Variants in PALM2AKAP2 observed in about 807,000 individuals in gnomAD.
PALM2AKAP2 encodes the protein PALM2 and AKAP2 fusion, also known as PALM2-AKAP2 fusion protein.
Under a neutral mutation model 71.5 loss-of-function variants are expected in PALM2AKAP2, and 37 were observed. The observed-to-expected ratio is 0.52, with a 90% CI of 0.40 to 0.68. PALM2AKAP2 has a LOEUF of 0.68. Among genes scored for constraint, PALM2AKAP2 ranks in the 30% least tolerant of loss-of-function variants. The pLI, the probability that PALM2AKAP2 is intolerant of heterozygous loss-of-function variation, is 0.00. For missense variants in PALM2AKAP2, 1,224 were observed against 1,191.8 expected, an observed-to-expected ratio of 1.03 and a Z score of -0.40; for synonymous variants, 468 against 478.8, an observed-to-expected ratio of 0.98 and a Z score of 0.29.
At chr9:109,846,187 G>A (rs1045389040) in intron 1 of PALM2AKAP2, among the ~76,000 whole-genome samples, 6 of 152,234 alleles carry the variant, frequency 3.9e-5, no homozygotes, top group African/African-American at 1.4e-4. Context: ...GAGTTCTTCT[G>A]ATGTCCTGCA....
chr9:110,128,244 A>G (rs987742508), intron 1 of PALM2AKAP2, among the ~76,000 whole-genome samples: 4 of 152,324 alleles, frequency 2.6e-5, no homozygotes, highest in Middle Eastern at 3.4e-3. Flanking sequence ...TGCTGGAGAC[A>G]TCCTGACTTA....
chr9:110,144,331 A>C (rs912284270), intron 2 of PALM2AKAP2, among the ~76,000 whole-genome samples: 1 of 152,246 alleles, frequency 6.6e-6, no homozygotes, highest in African/African-American at 2.4e-5. Context: ...CTTATTGTGG[A>C]GTGTCCACAG....
intron 1 of PALM2AKAP2, among the ~76,000 whole-genome samples, chr9:109,846,502 A>AG (rs949643882): frequency 6.6e-5 from 10 of 152,220 alleles, no homozygotes; most frequent in African/African-American, 2.4e-4. Context: ...AGAACGGAGA[A>AG]GGCACCAGGC....
At chr9:109,927,381 C>CA (rs1321452982) in intron 5 of PALM2AKAP2, among the ~76,000 whole-genome samples, 1 of 152,140 alleles carries the variant, frequency 6.6e-6, no homozygotes, top group African/African-American at 2.4e-5. Flanking sequence ...CAACTTGCTA[C>CA]AAAAAACTAA....
intron 1 of PALM2AKAP2, among the ~76,000 whole-genome samples, chr9:109,678,811 T>A (rs1288845491): frequency 6.6e-6 from 1 of 152,182 alleles, no homozygotes; most frequent in Non-Finnish European, 1.5e-5. Context: ...ATAAGTGTAA[T>A]GGATGATAAG....
rs139098556 is a variant in PALM2AKAP2 at position 109,931,792 on chromosome 9, G to C, written c.395-135G>C. ...AGTCACTGGGCAAATGCTTGTCTTTGTTTACCCTGATCCTCCTGTTCAGTG... is the reference window on the plus strand; with the variant it reads ...AGTCACTGGGCAAATGCTTGTCTTTCTTTACCCTGATCCTCCTGTTCAGTG... On this transcript the variant is annotated intron_variant, in intron 5 of 9. Transcript: ENST00000302798. 85 of 968,222 alleles carry C rather than the reference G, an allele frequency of 8.8e-5. No homozygotes were observed. In the East Asian group the frequency reaches 2.1e-3, roughly 24 times the overall value. 60.0% of individuals were successfully genotyped at this position (968,222 alleles called of 1,614,324 possible).
chr9:109,703,560 T>C (rs1031730928), intron 1 of PALM2AKAP2, among the ~76,000 whole-genome samples: 1 of 152,144 alleles, frequency 6.6e-6, no homozygotes, highest in Non-Finnish European at 1.5e-5. Flanking sequence ...AGCTTCTTTA[T>C]TCAATGCCAA....
At chr9:109,691,885 TATATATATATATATATAC>T (rs1827897586) in intron 1 of PALM2AKAP2, among the ~76,000 whole-genome samples, 6 of 65,044 alleles carry the variant, frequency 9.2e-5, no homozygotes, top group African/African-American at 3.0e-4. Flanking sequence ...CACACACATA[TATATATATATATATATAC>T]ACACACACAT....
intron 6 of PALM2AKAP2, among the ~76,000 whole-genome samples, chr9:109,968,964 T>G (rs1355638444): frequency 6.6e-6 from 1 of 152,154 alleles, no homozygotes; most frequent in Non-Finnish European, 1.5e-5. Context: ...ACAGAGAGAC[T>G]GTGGTAATTT....
chr9:109,682,811 A>G (rs1827755895), intron 1 of PALM2AKAP2, among the ~76,000 whole-genome samples: 1 of 152,180 alleles, frequency 6.6e-6, no homozygotes, highest in Non-Finnish European at 1.5e-5. Flanking sequence ...ATTTCTGAAT[A>G]TCCTTCTTGC....
At chr9:110,104,487 C>T (rs907238251) in intron 1 of PALM2AKAP2, among the ~76,000 whole-genome samples, 1 of 152,108 alleles carries the variant, frequency 6.6e-6, no homozygotes, top group African/African-American at 2.4e-5. Context: ...CCCTGGAGAC[C>T]TCGTCTTATC....
At chr9:109,788,508 C>T (rs962146416) in intron 1 of PALM2AKAP2, among the ~76,000 whole-genome samples, 1 of 152,174 alleles carries the variant, frequency 6.6e-6, no homozygotes, top group African/African-American at 2.4e-5. Context: ...GTGTCTAATT[C>T]TGTAGGTCTA....
intron 3 of PALM2AKAP2, among the ~76,000 whole-genome samples, chr9:109,886,774 T>C (rs1197910846): frequency 6.6e-6 from 1 of 152,194 alleles, no homozygotes; most frequent in Non-Finnish European, 1.5e-5. Flanking sequence ...TTCCGAGAAA[T>C]GTTACTGTTA....
chr9:110,064,453 C>G (rs977220353), intron 1 of PALM2AKAP2, among the ~76,000 whole-genome samples: 1 of 152,144 alleles, frequency 6.6e-6, no homozygotes, highest in Non-Finnish European at 1.5e-5. Context: ...TTTGAGGGCT[C>G]AAGTGAGTCC....
At chr9:109,833,788 C>T (rs910185740) in intron 1 of PALM2AKAP2, among the ~76,000 whole-genome samples, 1 of 152,178 alleles carries the variant, frequency 6.6e-6, no homozygotes, top group Non-Finnish European at 1.5e-5. Flanking sequence ...TTTCTGAATA[C>T]CCCTGACCTC....
chr9:109,666,094 A>G (rs973919595), intron 1 of PALM2AKAP2, among the ~76,000 whole-genome samples: 1 of 152,176 alleles, frequency 6.6e-6, no homozygotes, highest in Non-Finnish European at 1.5e-5. Flanking sequence ...GTAGTCTGTC[A>G]TGGCTTCCCT....
intron 1 of PALM2AKAP2, among the ~76,000 whole-genome samples, chr9:109,855,256 A>G (rs1423637009): frequency 6.6e-6 from 1 of 152,042 alleles, no homozygotes; most frequent in Non-Finnish European, 1.5e-5. Context: ...CATTTTTTGT[A>G]GAGATGGGGT....
chr9:109,685,416 G>A (rs1827793730), intron 1 of PALM2AKAP2, among the ~76,000 whole-genome samples: 1 of 152,062 alleles, frequency 6.6e-6, no homozygotes, highest in Admixed American at 6.6e-5. Flanking sequence ...CCACGATAAA[G>A]TGACTATTGC....
chr9:109,761,706 T>C (rs1213037990), intron 1 of PALM2AKAP2, among the ~76,000 whole-genome samples: 1 of 152,264 alleles, frequency 6.6e-6, no homozygotes, highest in East Asian at 1.9e-4. Flanking sequence ...CATGAACTCA[T>C]TCTTTTTTAT....
Sources: allele counts gnomAD v4.1 joint callset (sites outside exome capture counted in the v4.1 genomes callset), GRCh38; gene constraint gnomAD v4.1.1; transcripts MANE v1.5; gene names NCBI Gene and HGNC (gene_info 2026-07-23, HGNC 2026-07-21).